Variants in WNT8A observed in about 807,000 individuals in gnomAD.
WNT8A encodes protein Wnt-8a.
Under a neutral mutation model 20.5 loss-of-function variants are expected in WNT8A, and 14 were observed. The observed-to-expected ratio is 0.68, with a 90% CI of 0.45 to 1.07. The LOEUF (loss-of-function observed/expected upper bound fraction) is 1.07. WNT8A is among the 50% of genes least tolerant of loss of function. WNT8A has a pLI of 0.00. For missense variants in WNT8A, 397 were observed against 462.9 expected, an observed-to-expected ratio of 0.86 and a Z score of 1.31; for synonymous variants, 167 against 169.2, an observed-to-expected ratio of 0.99 and a Z score of 0.10.
intron 4 of WNT8A, among the ~76,000 whole-genome samples, chr5:138,089,721 G>A (rs544100643): frequency 9.9e-5 from 15 of 152,256 alleles, no homozygotes; most frequent in Middle Eastern, 6.8e-3. Context: ...AAGTGCAGTG[G>A]TGCCATCTCG....
intron 3 of WNT8A, among the ~76,000 whole-genome samples, chr5:138,088,598 C>T (rs1328045802): frequency 2.0e-5 from 3 of 152,074 alleles, no homozygotes; most frequent in Admixed American, 1.3e-4. Context: ...CCTCGTGATC[C>T]GCCTGCCTTG....
chr5:138,079,331 TATA>T (rs899259463), upstream of WNT8A, among the ~76,000 whole-genome samples: 1 of 141,498 alleles, frequency 7.1e-6, no homozygotes, highest in African/African-American at 2.5e-5. Context: ...ATATTAATTA[TATA>T]ATAATTATAT....
upstream of WNT8A, among the ~76,000 whole-genome samples, chr5:138,082,344 C>A (rs1336304614): frequency 6.6e-6 from 1 of 152,102 alleles, no homozygotes; most frequent in Non-Finnish European, 1.5e-5. Flanking sequence ...TTCAGGAGGC[C>A]AAAGGCGTGT....
Position 138,086,281 on chromosome 5 carries a change from G to T in WNT8A, c.296-1525G>T, listed in dbSNP as rs954973513. On this transcript the variant is annotated intron_variant, in intron 2 of 4. Coordinates refer to ENST00000506684, the MANE Select transcript of WNT8A (RefSeq NM_001300939.2). ...TACCCAAGCTAGTTTGCAGTGGCGC[G>T]ATCTTGGCTCAATGCAGCCTCTGCC... Among the ~76,000 whole-genome samples the T allele has an allele frequency of 2.0e-5, 3 of 152,110 alleles. No individual in the cohort carries two copies. In the East Asian group the frequency reaches 5.8e-4, roughly 30 times the overall value.
chr5:138,084,648 T>C lies in WNT8A; in HGVS notation c.295+12T>C. On this transcript the variant is annotated intron_variant, in intron 2 of 4. Coordinates refer to ENST00000506684, the MANE Select transcript of WNT8A (RefSeq NM_001300939.2). Reference sequence around the variant, plus strand: ...CAGGCTGAGAAGTGGTAAGTTTGTGTGGGACTCACCTGTACAAGGGGTATA... The same window carrying C: ...CAGGCTGAGAAGTGGTAAGTTTGTGCGGGACTCACCTGTACAAGGGGTATA... 1 of 1,601,070 alleles carries C rather than the reference T, an allele frequency of 6.2e-7. No homozygotes were observed. Among genetic ancestry groups the C allele is most frequent in the South Asian group, 1.1e-5 (1 of 88,658 alleles).
chr5:138,085,057 C>T (rs1361143174), intron 2 of WNT8A, among the ~76,000 whole-genome samples: 1 of 152,170 alleles, frequency 6.6e-6, no homozygotes, highest in Non-Finnish European at 1.5e-5. Context: ...CTGCCTCAGC[C>T]TCCCGAGTAG....
chr5:138,078,325 C>A, the WNT8A span, among the ~76,000 whole-genome samples: 2 of 152,128 alleles, frequency 1.3e-5, no homozygotes, highest in African/African-American at 4.8e-5. Context: ...ATCTAATTAG[C>A]AGAGAAGTGT....
chr5:138,086,953 C>T lies in WNT8A; in HGVS notation c.296-853C>T, dbSNP rs139059399. On this transcript the variant is annotated intron_variant, in intron 2 of 4. Coordinates refer to ENST00000506684, the MANE Select transcript of WNT8A (RefSeq NM_001300939.2). Reference sequence around the variant, plus strand: ...CCCAGCTACTCAGGAGGCTGAGGCACGAGAATTGCTTGAACCTGGAAGGCG... The same window carrying T: ...CCCAGCTACTCAGGAGGCTGAGGCATGAGAATTGCTTGAACCTGGAAGGCG... Among the ~76,000 whole-genome samples, 1,463 of 149,264 alleles carry T rather than the reference C, an allele frequency of 9.8e-3. 21 individuals carry two copies. Among genetic ancestry groups the T allele is most frequent in the African/African-American group, 0.035 (1,403 of 40,520 alleles).
chr5:138,087,955 G>A (rs560703835), intron 3 of WNT8A, 24 bp downstream of exon 3: 3 of 1,612,072 alleles, frequency 1.9e-6, no homozygotes, highest in Admixed American at 3.3e-5. Context: ...TCTAATGGGG[G>A]TGGGAAGAGG....
At chr5:138,085,215 G>A (rs1271214331) in intron 2 of WNT8A, among the ~76,000 whole-genome samples, 14 of 152,210 alleles carry the variant, frequency 9.2e-5, no homozygotes, top group African/African-American at 2.4e-4. Context: ...GATTACAGGC[G>A]TAAGCCACCG....
chr5:138,078,774 A>G, the WNT8A span, among the ~76,000 whole-genome samples: 1 of 152,106 alleles, frequency 6.6e-6, no homozygotes, highest in African/African-American at 2.4e-5. Flanking sequence ...TCTAGTTCAG[A>G]CACTCTAAGG....
chr5:138,079,555 T>C (rs527544215), upstream of WNT8A, among the ~76,000 whole-genome samples: 1 of 152,176 alleles, frequency 6.6e-6, no homozygotes, highest in East Asian at 1.9e-4. Context: ...TATGCTCTAG[T>C]ATTTATACCA....
intron 2 of WNT8A, among the ~76,000 whole-genome samples, chr5:138,085,973 G>A (rs1281717084): frequency 6.6e-6 from 1 of 151,958 alleles, no homozygotes; most frequent in Non-Finnish European, 1.5e-5. Context: ...AGTTTAGTAA[G>A]ATAAGAGTTC....
Position 138,090,563 on chromosome 5 carries a change from T to C in WNT8A, c.600T>C (p.Cys200=), listed in dbSNP as rs1278869023. Residue 200 remains cysteine (C), a synonymous_variant, in exon 5 of 5, where the codon TGT becomes TGC. Coordinates refer to ENST00000506684, the MANE Select transcript of WNT8A (RefSeq NM_001300939.2). ...VRATMKRTCK[C]HGISGSCSIQ... ...CCACCATGAAAAGGACATGCAAATG[T>C]CATGGCATCTCTGGGAGCTGCAGCA... The C allele has an allele frequency of 1.2e-6, 2 of 1,614,026 alleles. No individual in the cohort carries two copies. Among genetic ancestry groups the C allele is most frequent in the African/African-American group, 2.7e-5 (2 of 74,918 alleles).
At chr5:138,091,747 G>A (rs1283711846), downstream of WNT8A, among the ~76,000 whole-genome samples, 2 of 60,848 alleles carry the variant, frequency 3.3e-5, no homozygotes, top group Admixed American at 1.7e-4. Context: ...GATCACTGGA[G>A]CCCAGGAGCT....
Position 138,089,075 on chromosome 5 carries a change from T to C in WNT8A, c.564+6T>C, listed in dbSNP as rs1309528831. On this transcript the variant is annotated splice_donor_region_variant and intron_variant, in intron 4 of 4. Coordinates refer to ENST00000506684, the MANE Select transcript of WNT8A (RefSeq NM_001300939.2). Reference sequence around the variant, plus strand: ...ACAACAGGGCCGGCAGACTGGTGGGTATAGGCATTGTGGCCAGTATTTCTA... The same window carrying C: ...ACAACAGGGCCGGCAGACTGGTGGGCATAGGCATTGTGGCCAGTATTTCTA... 1 of 1,612,092 alleles carries C rather than the reference T, an allele frequency of 6.2e-7. No homozygotes were observed. The highest frequency in any genetic ancestry group is 1.7e-5 in the Admixed American group (1 of 59,806).
upstream of WNT8A, among the ~76,000 whole-genome samples, chr5:138,080,369 C>T (rs1750470603): frequency 1.3e-5 from 2 of 148,394 alleles, no homozygotes; most frequent in African/African-American, 2.5e-5. Flanking sequence ...AAAGATAATT[C>T]CAACGCTCGC....
chr5:138,089,821 C>T (rs1350091794), intron 4 of WNT8A, among the ~76,000 whole-genome samples: 1 of 152,110 alleles, frequency 6.6e-6, no homozygotes, highest in Non-Finnish European at 1.5e-5. Flanking sequence ...GCCACTATGC[C>T]CAGCTAGTTT....
chr5:138,086,712 G>A (rs931176341), intron 2 of WNT8A, among the ~76,000 whole-genome samples: 2 of 151,730 alleles, frequency 1.3e-5, no homozygotes, highest in African/African-American at 4.8e-5. Flanking sequence ...AGTCCAGCCT[G>A]GGCAACATAG....
Sources: gnomAD v4.1 joint callset for allele counts (sites outside exome capture counted in the v4.1 genomes callset) on GRCh38, gnomAD v4.1.1 for gene constraint, MANE v1.5 for transcripts, NCBI Gene and HGNC (gene_info 2026-07-23, HGNC 2026-07-21) for gene names.